CASTOR2: variants seen among roughly 807,000 people sequenced by gnomAD.
The protein encoded by CASTOR2 is cytosolic arginine sensor for mTORC1 subunit 2, also known as GATS protein like 2.
CASTOR2 carries 8 observed loss-of-function variants against 31.2 expected under a neutral mutation model. The ratio of observed to expected loss-of-function variants is 0.26; its 90% CI spans 0.15 to 0.46. CASTOR2 has a LOEUF of 0.46. Ranked by LOEUF, CASTOR2 falls within the 20% of genes least tolerant of loss-of-function variation. CASTOR2 has a pLI of 0.99. For missense variants in CASTOR2, 216 were observed against 382.1 expected, an observed-to-expected ratio of 0.57 and a Z score of 3.62; for synonymous variants, 162 against 158.7, an observed-to-expected ratio of 1.02 and a Z score of -0.16.
At chr7:74,994,365 C>A (rs1804288170) in intron 1 of CASTOR2, among the ~76,000 whole-genome samples, 1 of 152,196 alleles carries the variant, frequency 6.6e-6, no homozygotes, top group Non-Finnish European at 1.5e-5. Context: ...CGACCTGGAT[C>A]ATCTATAGGG....
chr7:75,009,322 T>C (rs1324531305), intron 2 of CASTOR2, among the ~76,000 whole-genome samples: 1 of 115,924 alleles, frequency 8.6e-6, no homozygotes, highest in African/African-American at 3.5e-5. Context: ...CAGGCTGGAG[T>C]GCAGTGGTGT....
intron 2 of CASTOR2, among the ~76,000 whole-genome samples, chr7:75,010,273 G>C (rs1414366680): frequency 6.6e-6 from 1 of 152,090 alleles, no homozygotes; most frequent in Non-Finnish European, 1.5e-5. Context: ...AGTTGAATGA[G>C]AAAGTACAGG....
At chr7:75,015,029 G>T (rs1314891449) in intron 2 of CASTOR2, among the ~76,000 whole-genome samples, 16 of 152,214 alleles carry the variant, frequency 1.1e-4, no homozygotes, top group African/African-American at 3.6e-4. Context: ...GCAGCCGCCT[G>T]CCTCTCTAGC....
intron 6 of CASTOR2, among the ~76,000 whole-genome samples, chr7:75,021,137 G>A (rs1396403455): frequency 7.2e-5 from 11 of 152,180 alleles, no homozygotes; most frequent in Admixed American, 3.3e-4. Flanking sequence ...AACTACAGGC[G>A]CACACCACCA....
intron 1 of CASTOR2, among the ~76,000 whole-genome samples, chr7:74,998,878 T>TCC (rs1195922003): frequency 5.3e-5 from 8 of 152,050 alleles, no homozygotes; most frequent in Admixed American, 2.6e-4. Context: ...GCCCTATCCG[T>TCC]CCCCTTTGGT....
In CASTOR2 at chr7:75,027,804, A is replaced by C; in HGVS notation, c.*3105A>C. 1.7e-6 allele frequency: 1 copy of C among 596,444 alleles called. No individual in the cohort carries two copies. The highest frequency in any genetic ancestry group is 1.9e-5 in the South Asian group (1 of 51,780). 36.9% of individuals were successfully genotyped at this position (596,444 alleles called of 1,614,324 possible). A position where few individuals can be genotyped will look rare whatever the true frequency, so the allele number is the denominator to read the frequency against. On this transcript the variant is annotated 3_prime_UTR_variant, in exon 9 of 9. Coordinates refer to ENST00000616305, the MANE Select transcript of CASTOR2 (RefSeq NM_001145064.3). ...TTTATCTTCTCGGCGTTCTGTGTGT[A>C]GCGTAGTCTTGGTTTGGTCTCCACA...
intron 1 of CASTOR2, among the ~76,000 whole-genome samples, chr7:74,988,734 A>G (rs1403821718): frequency 6.6e-6 from 1 of 152,114 alleles, no homozygotes; most frequent in Non-Finnish European, 1.5e-5. Flanking sequence ...CACAGCGACC[A>G]TGACAGTGAT....
intron 1 of CASTOR2, among the ~76,000 whole-genome samples, chr7:74,967,926 AT>A (rs1183706567): frequency 2.3e-5 from 1 of 43,124 alleles, no homozygotes; most frequent in Non-Finnish European, 4.6e-5. Flanking sequence ...CCTCATCTTT[AT>A]TTTTTTTATT....
intron 1 of CASTOR2, among the ~76,000 whole-genome samples, chr7:74,998,125 G>T (rs1396191749): frequency 6.6e-6 from 1 of 152,060 alleles, no homozygotes; most frequent in South Asian, 2.1e-4. Flanking sequence ...GTTCAGCCCC[G>T]GCTCGGCAGA....
In CASTOR2 at chr7:75,025,359, G is replaced by A. The variant is rs1805098308; in HGVS notation, c.*660G>A. ...GCCCGACTCCCAGCAAGACTGCCAA[G>A]AGGGCCCTGTCCAGACCCTCCCCCA... On this transcript the variant is annotated 3_prime_UTR_variant, in exon 9 of 9. Coordinates refer to ENST00000616305, the MANE Select transcript of CASTOR2 (RefSeq NM_001145064.3). Among the ~76,000 whole-genome samples the A allele has an allele frequency of 6.6e-6, 1 of 152,216 alleles. No homozygotes were observed.
intron 1 of CASTOR2, among the ~76,000 whole-genome samples, chr7:74,976,533 TCC>T (rs1803812873): frequency 5.5e-4 from 1 of 1,810 alleles, no homozygotes; most frequent in East Asian, 0.026. Flanking sequence ...AGACCCTGTC[TCC>T]TCCTCCTCCT....
chr7:75,028,084 CG>C lies in CASTOR2; in HGVS notation c.*3390del. On this transcript the variant is annotated 3_prime_UTR_variant, in exon 9 of 9. Coordinates refer to ENST00000616305, the MANE Select transcript of CASTOR2 (RefSeq NM_001145064.3). ...GCTGGCGGATGGGGCAGGTGCCTGG[CG>C]GGGGAGGAAGAGGGCTCTCTATGAT... is the stretch of plus-strand genomic sequence containing the variant. The C allele has an allele frequency of 6.6e-7, 1 of 1,511,552 alleles. No homozygotes were observed. The highest frequency in any genetic ancestry group is 1.4e-5 in the African/African-American group (1 of 70,614). 93.6% of individuals were successfully genotyped at this position (1,511,552 alleles called of 1,614,324 possible).
intron 1 of CASTOR2, among the ~76,000 whole-genome samples, chr7:74,992,086 G>A (rs1173452805): frequency 6.6e-6 from 1 of 152,036 alleles, no homozygotes; most frequent in Non-Finnish European, 1.5e-5. Context: ...GGCAGGCTGG[G>A]GGCATGGTGA....
chr7:74,983,338 T>A (rs1161526940), intron 1 of CASTOR2, among the ~76,000 whole-genome samples: 3 of 151,388 alleles, frequency 2.0e-5, no homozygotes, highest in African/African-American at 4.9e-5. Flanking sequence ...CTTTTTTTTT[T>A]AATCTGTGCT....
chr7:74,975,629 T>G (rs1205381088), intron 1 of CASTOR2, among the ~76,000 whole-genome samples: 1 of 98,994 alleles, frequency 1.0e-5, no homozygotes, highest in East Asian at 3.1e-4. Flanking sequence ...GGCAGGAGAA[T>G]GGCGTGAAGC....
intron 1 of CASTOR2, among the ~76,000 whole-genome samples, chr7:74,988,487 C>T (rs1380655001): frequency 2.6e-5 from 4 of 152,026 alleles, no homozygotes; most frequent in African/African-American, 9.7e-5. Flanking sequence ...TTAGTAGAGA[C>T]AGGGTTTCAC....
At chr7:74,985,427 T>C (rs1361616378) in intron 1 of CASTOR2, among the ~76,000 whole-genome samples, 1 of 151,514 alleles carries the variant, frequency 6.6e-6, no homozygotes, top group African/African-American at 2.4e-5. Flanking sequence ...CAAAAAAATA[T>C]ACAAGTAGCT....
intron 1 of CASTOR2, among the ~76,000 whole-genome samples, chr7:74,984,800 G>T (rs1439426804): frequency 6.6e-6 from 1 of 152,182 alleles, no homozygotes; most frequent in Non-Finnish European, 1.5e-5. Context: ...CCATCTGTAT[G>T]ACTTAGTCAA....
At chr7:75,002,355 A>ATGC (rs1455752003) in intron 1 of CASTOR2, among the ~76,000 whole-genome samples, 2 of 151,642 alleles carry the variant, frequency 1.3e-5, no homozygotes, top group African/African-American at 2.4e-5. Flanking sequence ...GAGGTGGGTC[A>ATGC]TGCCTGTAAT....
Sources: allele counts gnomAD v4.1 joint callset (sites outside exome capture counted in the v4.1 genomes callset), GRCh38; gene constraint gnomAD v4.1.1; transcripts MANE v1.5; gene names NCBI Gene and HGNC (gene_info 2026-07-23, HGNC 2026-07-21).